ZSCAN30: variants seen among roughly 807,000 people sequenced by gnomAD.
ZSCAN30 encodes the protein zinc finger and SCAN domain-containing protein 30.
In ZSCAN30, 37 loss-of-function variants were observed where a neutral mutation model predicts 44.3. The ratio of observed to expected loss-of-function variants is 0.84; its 90% CI spans 0.64 to 1.10. The LOEUF (loss-of-function observed/expected upper bound fraction) is 1.10. Ranked by LOEUF, ZSCAN30 falls within the 50% of genes least tolerant of loss-of-function variation. The pLI is 0.00. For missense variants in ZSCAN30, 549 were observed against 582.6 expected (o/e 0.94, Z 0.59); for synonymous variants, 181 against 204.6 (o/e 0.88, Z 0.98).
rs753325566 is a variant in ZSCAN30 at position 35,263,964 on chromosome 18, A to G, written c.389T>C (p.Leu130Pro). 98 of 1,614,022 alleles carry G rather than the reference A, an allele frequency of 6.1e-5. No individual in the cohort carries two copies. Among genetic ancestry groups the G allele is most frequent in the Non-Finnish European group, 8.1e-5 (95 of 1,179,980 alleles). Residue 130 changes from leucine (L) to proline (P), a missense_variant, in exon 2 of 4, where the codon CTG (leucine) becomes CCG (proline). By Grantham distance (98) the Leu-to-Pro change is moderately conservative. Transcript: ENST00000333206. ...TCTTACCTGTTGCCTTGGCTCCTCCAGTTCTTTTTCCAGCTCCTCCAGCAT... is the reference window on the plus strand; with the variant it reads ...TCTTACCTGTTGCCTTGGCTCCTCCGGTTCTTTTTCCAGCTCCTCCAGCAT... ...VTMLEELEKELEEPRQQDTTH... is the reference protein window; with the variant it reads ...VTMLEELEKEPEEPRQQDTTH...
At chr18:35,287,861 A>G (rs1456512898) in intron 1 of ZSCAN30, among the ~76,000 whole-genome samples, 1 of 150,234 alleles carries the variant, frequency 6.7e-6, no homozygotes, top group Non-Finnish European at 1.5e-5. Flanking sequence ...CAAAGCATAT[A>G]TCTTCTTCCT....
chr18:35,254,033 T>C lies in ZSCAN30; in HGVS notation c.902A>G (p.Tyr301Cys), dbSNP rs1474235982. Residue 301 changes from tyrosine to cysteine, a missense_variant, in exon 4 of 4, where the codon TAT becomes TGT. Tyr to Cys is a radical substitution (Grantham distance 194). Transcript: ENST00000333206. ...GGCCTTCCCACAGTCAAAGCACTCA[T>C]AGAGCTTTTCCCTAGTGTCAACGCT... Reference protein sequence around the residue: ...QQSVDTREKLYECFDCGKAFC... With the variant: ...QQSVDTREKLCECFDCGKAFC... The C allele has an allele frequency of 1.2e-6, 2 of 1,614,206 alleles. No individual in the cohort carries two copies. Among genetic ancestry groups the C allele is most frequent in the African/African-American group, 2.7e-5 (2 of 75,070 alleles).
rs979038275 is a variant in ZSCAN30, at chr18:35,271,724, T to G, written c.-103-7269A>C. 2.6e-5 allele frequency among the ~76,000 whole-genome samples: 4 copies of G among 152,316 alleles called. No homozygotes were observed. In the East Asian group the frequency reaches 7.7e-4, roughly 29 times the overall value. On this transcript the variant is annotated intron_variant, in intron 1 of 3. Transcript: ENST00000333206. ...AGGGGGCGGCACCCGCCGGGGAGGC[T>G]CCAGCTGCGTGGGAGCCCATTGCGG...
At chr18:35,256,543 T>C (rs2043824767) in intron 3 of ZSCAN30, among the ~76,000 whole-genome samples, 1 of 151,030 alleles carries the variant, frequency 6.6e-6, no homozygotes, top group African/African-American at 2.4e-5. Flanking sequence ...AACAAGACTG[T>C]CTCAAAAAGA....
chr18:35,254,534 C>A lies in ZSCAN30; in HGVS notation c.554-153G>T, dbSNP rs527917889. 2.8e-6 allele frequency: 4 copies of A among 1,433,680 alleles called. No homozygotes were observed. In the South Asian group the frequency reaches 3.8e-5, roughly 14 times the overall value. 88.8% of individuals were successfully genotyped at this position (1,433,680 alleles called of 1,614,324 possible). A position where few individuals can be genotyped will look rare whatever the true frequency, so the allele number is the denominator to read the frequency against. Reference sequence around the variant, plus strand: ...CCCAATCTAGAATTCAGAGAAGTGGCCTGGGGTAGCCAAATATGGCCCCCT... The same window carrying A: ...CCCAATCTAGAATTCAGAGAAGTGGACTGGGGTAGCCAAATATGGCCCCCT... On this transcript the variant is annotated intron_variant, in intron 3 of 3. Coordinates refer to ENST00000333206, the MANE Select transcript of ZSCAN30 (RefSeq NM_001112734.4).
rs910721565 is a variant in ZSCAN30 at position 35,264,381 on chromosome 18, C to T, written c.-29G>A. ...GGGCAGAGACAGTCTGAAAAGGCTG[C>T]CCAGGTGAGGCAGGGAGGAGATGGA... On this transcript the variant is annotated 5_prime_UTR_variant, in exon 2 of 4. Coordinates refer to ENST00000333206, the MANE Select transcript of ZSCAN30 (RefSeq NM_001112734.4). 6 of 1,594,128 alleles carry T rather than the reference C, an allele frequency of 3.8e-6. No homozygotes were observed. The highest frequency in any genetic ancestry group is 1.1e-5 in the South Asian group (1 of 88,626).
At chr18:35,264,562 C>A in intron 1 of ZSCAN30, 107 bp from the exon 2 acceptor site, 1 of 541,658 alleles carries the variant, frequency 1.8e-6, no homozygotes. Flanking sequence ...GTAAAGAAAA[C>A]TGACTAACAG....
At chr18:35,287,866 C>G (rs2044580828) in intron 1 of ZSCAN30, among the ~76,000 whole-genome samples, 1 of 146,930 alleles carries the variant, frequency 6.8e-6, no homozygotes, top group Non-Finnish European at 1.5e-5. Flanking sequence ...CATATATCTT[C>G]TTCCTCTTCT....
At chr18:35,254,427 C>G (rs200704794) in intron 3 of ZSCAN30, 46 bp from the exon 4 acceptor site, 27 of 1,613,226 alleles carry the variant, frequency 1.7e-5, no homozygotes, top group Non-Finnish European at 2.1e-5. Flanking sequence ...CTTCCCATGA[C>G]AGAAGAAACT....
Position 35,290,064 on chromosome 18 carries a change from T to C in ZSCAN30, c.-104+20A>G, listed in dbSNP as rs1437282858. Reference sequence around the variant, plus strand: ...AAAACGATAACTAATTAAGAACTTGTATGTAGTAAGAAAACCTACCCTGCC... The same window carrying C: ...AAAACGATAACTAATTAAGAACTTGCATGTAGTAAGAAAACCTACCCTGCC... On this transcript the variant is annotated intron_variant, in intron 1 of 3. Transcript: ENST00000333206. The C allele has an allele frequency of 6.6e-6, 1 of 152,166 alleles. No homozygotes were observed. Among genetic ancestry groups the C allele is most frequent in the African/African-American group, 2.4e-5 (1 of 41,422 alleles). 9.4% of individuals were successfully genotyped at this position (152,166 alleles called of 1,614,324 possible).
At chr18:35,269,743 A>G (rs1368164714) in intron 1 of ZSCAN30, 1 of 152,108 alleles carries the variant, frequency 6.6e-6, no homozygotes, top group African/African-American at 2.4e-5. Context: ...CATACTAGAC[A>G]GTGAAGCTAG....
chr18:35,286,972 C>T (rs2044563759), intron 1 of ZSCAN30, among the ~76,000 whole-genome samples: 1 of 151,932 alleles, frequency 6.6e-6, no homozygotes, highest in Non-Finnish European at 1.5e-5. Flanking sequence ...AACAAAGTTG[C>T]AAGATACAAG....
At chr18:35,276,935 G>C (rs1182530142) in intron 1 of ZSCAN30, among the ~76,000 whole-genome samples, 1 of 152,228 alleles carries the variant, frequency 6.6e-6, no homozygotes, top group African/African-American at 2.4e-5. Context: ...AAAGCAGCCA[G>C]GAGGGGTGCT....
intron 1 of ZSCAN30, chr18:35,283,099 C>G (rs1454221509): frequency 6.6e-6 from 1 of 152,022 alleles, no homozygotes; most frequent in African/African-American, 2.4e-5. Flanking sequence ...AGAGGCATAA[C>G]AGGCTGGGCA....
chr18:35,253,594 T>C lies in ZSCAN30; in HGVS notation c.1341A>G (p.Gly447=). The C allele has an allele frequency of 3.1e-6, 5 of 1,614,092 alleles. No individual in the cohort carries two copies. The highest frequency in any genetic ancestry group is 4.2e-6 in the Non-Finnish European group (5 of 1,179,976). The change falls in exon 4 of 4, where the codon GGA becomes GGG. Residue 447 remains glycine (G), a synonymous_variant. Transcript: ENST00000333206. ...GEKPYECNEC[G]KSFNQSSALT... ...GGGCTGAGCTCTGATTGAAGGATTT[T>C]CCACATTCATTACATTCATAAGGTT...
intron 2 of ZSCAN30, 53 bp downstream of exon 2, chr18:35,263,892 G>T: frequency 6.4e-7 from 1 of 1,560,706 alleles, no homozygotes; most frequent in African/African-American, 1.4e-5. Flanking sequence ...CATAATTATG[G>T]CTTCCCCATT....
chr18:35,267,526 T>A (rs961709467), intron 1 of ZSCAN30: 2 of 151,886 alleles, frequency 1.3e-5, no homozygotes, highest in Non-Finnish European at 2.9e-5. Flanking sequence ...GCGAGAACAA[T>A]GCCCGGCCGC....
At position 35,264,277 on chromosome 18, in the gene ZSCAN30, C is replaced by T. The variant is rs564167554; in HGVS notation, c.76G>A (p.Glu26Lys). Residue 26 changes from glutamate (E) to lysine (K), a missense_variant, in exon 2 of 4, where the codon GAA becomes AAA. Glu to Lys is a moderately conservative substitution (Grantham distance 56). Transcript: ENST00000333206. ...TCCTGGTCCAAAACATAATTTTCTT[C>T]TTCAACCTTGACAACTAGAAGTCCT... is the stretch of plus-strand genomic sequence containing the variant. ...QEGLLVVKVE[E>K]ENYVLDQDFG... 5.8e-5 allele frequency: 93 copies of T among 1,614,166 alleles called. No individual in the cohort carries two copies. The highest frequency in any genetic ancestry group is 6.9e-5 in the Non-Finnish European group (81 of 1,180,030).
At chr18:35,279,908 A>G (rs1397998189) in intron 1 of ZSCAN30, among the ~76,000 whole-genome samples, 2 of 152,218 alleles carry the variant, frequency 1.3e-5, no homozygotes, top group Admixed American at 6.5e-5. Flanking sequence ...AATGGAGGTT[A>G]GGGCTTGAAC....
Sources: allele counts gnomAD v4.1 joint callset (sites outside exome capture counted in the v4.1 genomes callset), GRCh38; gene constraint gnomAD v4.1.1; transcripts MANE v1.5; gene names NCBI Gene and HGNC (gene_info 2026-07-23, HGNC 2026-07-21).